The following ASTN2 variants were observed in gnomAD, a reference collection of about 807,000 sequenced individuals.
ASTN2 encodes astrotactin-2.
In ASTN2, 54 loss-of-function variants were observed where a neutral mutation model predicts 139.8. The ratio of observed to expected loss-of-function variants is 0.39; its 90% CI spans 0.31 to 0.48. ASTN2 has a LOEUF of 0.48. ASTN2 is among the 20% of genes least tolerant of loss of function. ASTN2 has a pLI of 0.95. For synonymous variants in ASTN2, 756 were observed against 719.5 expected (o/e 1.05, Z -0.81); for missense variants, 1,565 against 1,725.1 (o/e 0.91, Z 1.64).
At chr9:116,598,166 G>A (rs761699462) in intron 19 of ASTN2, among the ~76,000 whole-genome samples, 59 of 152,170 alleles carry the variant, frequency 3.9e-4, no homozygotes, top group Non-Finnish European at 8.1e-4. Flanking sequence ...CATCTCAGAT[G>A]GCTCCAGGGA....
rs576547450 is a variant in ASTN2 at position 116,774,078 on chromosome 9, T to A, written c.2396+31554A>T. ...GTACATTTATTTGTAGCAGAATTCA[T>A]GTTTGGAATTCCTATACATGAAACT... On this transcript the variant is annotated intron_variant, in intron 13 of 22. Coordinates refer to ENST00000313400, the MANE Select transcript of ASTN2 (RefSeq NM_001365068.1). 5.9e-5 allele frequency among the ~76,000 whole-genome samples: 9 copies of A among 152,326 alleles called. No homozygotes were observed. The South Asian group carries it at 1.9e-3, about 32-fold the overall frequency.
intron 20 of ASTN2, among the ~76,000 whole-genome samples, chr9:116,466,043 G>A (rs896910220): frequency 3.3e-5 from 5 of 152,226 alleles, no homozygotes; most frequent in Admixed American, 1.3e-4. Context: ...TTTGCAAAGC[G>A]TATTGCACAA....
intron 4 of ASTN2, among the ~76,000 whole-genome samples, chr9:117,106,068 G>A (rs1564428054): frequency 6.6e-6 from 1 of 152,144 alleles, no homozygotes; most frequent in Non-Finnish European, 1.5e-5. Context: ...AGGTTGGTCA[G>A]GTATTAAGTT....
Position 117,217,011 on chromosome 9 carries a change from C to T in ASTN2, c.631-2269G>A, listed in dbSNP as rs1467379381. 2.0e-5 allele frequency among the ~76,000 whole-genome samples: 3 copies of T among 152,208 alleles called. No homozygotes were observed. In the East Asian group the frequency reaches 5.8e-4, roughly 29 times the overall value. ...ACACAGTCAGGATTTAATTCCAGGT[C>T]CAGCTGGATTCAAAGGGCCAGGAAG... On this transcript the variant is annotated intron_variant, in intron 2 of 22. Coordinates refer to ENST00000313400, the MANE Select transcript of ASTN2 (RefSeq NM_001365068.1).
intron 16 of ASTN2, among the ~76,000 whole-genome samples, chr9:116,725,093 A>G (rs968010613): frequency 3.9e-5 from 6 of 152,208 alleles, no homozygotes; most frequent in Non-Finnish European, 5.9e-5. Flanking sequence ...TTAATGTGAG[A>G]AGCAGACAAG....
chr9:116,821,208 C>T (rs1831475775), intron 11 of ASTN2, among the ~76,000 whole-genome samples: 2 of 152,258 alleles, frequency 1.3e-5, no homozygotes, highest in South Asian at 4.1e-4. Context: ...TATTTAAAAG[C>T]CTCTACCAGT....
intron 1 of ASTN2, among the ~76,000 whole-genome samples, chr9:117,407,793 G>C (rs1831038252): frequency 1.3e-5 from 2 of 152,190 alleles, no homozygotes; most frequent in South Asian, 4.1e-4. Flanking sequence ...CAGAGAGGCT[G>C]TCTGCTCCAT....
chr9:117,107,586 C>A (rs990557296), intron 4 of ASTN2, among the ~76,000 whole-genome samples: 1 of 152,068 alleles, frequency 6.6e-6, no homozygotes, highest in Non-Finnish European at 1.5e-5. Flanking sequence ...ATTCTTTTTG[C>A]GTTTTGATGT....
chr9:116,560,908 A>ATCAC (rs1852871915), intron 19 of ASTN2, among the ~76,000 whole-genome samples: 2 of 152,118 alleles, frequency 1.3e-5, no homozygotes, highest in African/African-American at 4.8e-5. Flanking sequence ...CTACACATCA[A>ATCAC]AACTGGTATT....
chr9:116,513,450 A>C (rs948085147), intron 19 of ASTN2, among the ~76,000 whole-genome samples: 17 of 152,086 alleles, frequency 1.1e-4, no homozygotes, highest in African/African-American at 4.1e-4. Context: ...CCTTCATTTC[A>C]ACTTTGGTGA....
chr9:116,444,671 G>C (rs769718419), intron 20 of ASTN2, among the ~76,000 whole-genome samples: 1 of 152,108 alleles, frequency 6.6e-6, no homozygotes. Context: ...AAGGAAGCAG[G>C]GGGTGACAGA....
chr9:116,881,812 C>G (rs1421080126), intron 10 of ASTN2, among the ~76,000 whole-genome samples: 1 of 152,154 alleles, frequency 6.6e-6, no homozygotes, highest in East Asian at 1.9e-4. Flanking sequence ...CAGCTACTTG[C>G]AAAAATTTTA....
At chr9:117,198,094 A>G (rs1831568993) in intron 3 of ASTN2, among the ~76,000 whole-genome samples, 1 of 152,050 alleles carries the variant, frequency 6.6e-6, no homozygotes, top group Non-Finnish European at 1.5e-5. Context: ...GTACATACAC[A>G]GAATGTGCAG....
At chr9:116,467,549 G>C (rs1848687792) in intron 20 of ASTN2, among the ~76,000 whole-genome samples, 1 of 152,238 alleles carries the variant, frequency 6.6e-6, no homozygotes, top group Non-Finnish European at 1.5e-5. Context: ...ACAGGCGTAA[G>C]CCACTGCACC....
intron 1 of ASTN2, among the ~76,000 whole-genome samples, chr9:117,365,336 AGAG>A (rs1829814963): frequency 6.8e-6 from 1 of 148,016 alleles, no homozygotes; most frequent in African/African-American, 2.7e-5. Context: ...AAAGAAAGAA[AGAG>A]AGAAAAGAAA....
intron 10 of ASTN2, among the ~76,000 whole-genome samples, chr9:116,969,407 T>C (rs754760416): frequency 6.6e-6 from 1 of 152,148 alleles, no homozygotes; most frequent in Non-Finnish European, 1.5e-5. Flanking sequence ...CAGTGCCACC[T>C]AAGGATGTGT....
rs374799497 is a variant in ASTN2, at chr9:117,082,537, C to T, written c.1276+13507G>A. ...TAAAACAGAAATGAAATAATAGATC[C>T]CTTCCTTCAACAGTAAATGCCTTCC... On this transcript the variant is annotated intron_variant, in intron 5 of 22. Coordinates refer to ENST00000313400, the MANE Select transcript of ASTN2 (RefSeq NM_001365068.1). Among the ~76,000 whole-genome samples the T allele has an allele frequency of 3.5e-4, 53 of 152,250 alleles. 4 individuals are homozygous for T. Among genetic ancestry groups the T allele is most frequent in the Admixed American group, 1.8e-3 (27 of 15,298 alleles).
rs113621207 is a variant in ASTN2 at position 117,375,703 on chromosome 9, G to A, written c.442+38794C>T. On this transcript the variant is annotated intron_variant, in intron 1 of 22. Coordinates refer to ENST00000313400, the MANE Select transcript of ASTN2 (RefSeq NM_001365068.1). Reference sequence around the variant, plus strand: ...CCCACCACTTAGTGAGGATGTGTGTGAGTTTCCCATTGCTGCTGTAACGAA... The same window carrying A: ...CCCACCACTTAGTGAGGATGTGTGTAAGTTTCCCATTGCTGCTGTAACGAA... Among the ~76,000 whole-genome samples, 1,201 of 152,274 alleles carry A rather than the reference G, an allele frequency of 7.9e-3. 19 individuals are homozygous for A. Among genetic ancestry groups the A allele is most frequent in the African/African-American group, 0.027 (1,134 of 41,556 alleles).
At chr9:116,604,040 C>A (rs1403105093) in intron 19 of ASTN2, among the ~76,000 whole-genome samples, 1 of 152,186 alleles carries the variant, frequency 6.6e-6, no homozygotes, top group East Asian at 1.9e-4. Context: ...CCTACAGCAT[C>A]TGAGTTACCT....
Sources: gnomAD v4.1 joint callset for allele counts (sites outside exome capture counted in the v4.1 genomes callset) on GRCh38, gnomAD v4.1.1 for gene constraint, MANE v1.5 for transcripts, NCBI Gene and HGNC (gene_info 2026-07-23, HGNC 2026-07-21) for gene names.